The following C8orf34 variants were observed in gnomAD, a reference collection of about 807,000 sequenced individuals.
C8orf34 encodes the protein uncharacterized protein C8orf34.
Under a neutral mutation model 68.3 loss-of-function variants are expected in C8orf34, and 65 were observed. The ratio of observed to expected loss-of-function variants is 0.95; its 90% CI spans 0.78 to 1.17. C8orf34 has a LOEUF of 1.17. Among genes scored for constraint, C8orf34 ranks in the 50% most tolerant of loss-of-function variants. C8orf34 has a pLI of 0.00. For synonymous variants in C8orf34, 244 were observed against 241.2 expected, an observed-to-expected ratio of 1.01 and a Z score of -0.11; for missense variants, 664 against 655.4, an observed-to-expected ratio of 1.01 and a Z score of -0.14.
At chr8:68,775,682 TATA>T (rs1823495336) in intron 10 of C8orf34, among the ~76,000 whole-genome samples, 1 of 152,200 alleles carries the variant, frequency 6.6e-6, no homozygotes, top group Non-Finnish European at 1.5e-5. Context: ...ATTTATAGAA[TATA>T]GAATTTGCGA....
intron 10 of C8orf34, among the ~76,000 whole-genome samples, chr8:68,749,242 T>C (rs1235633039): frequency 6.1e-5 from 8 of 130,502 alleles, no homozygotes; most frequent in Non-Finnish European, 1.3e-4. Context: ...TGTTGTGGGG[T>C]GGGGGGAGCG....
In C8orf34 at chr8:68,600,114, T is replaced by C. The variant is rs528666167; in HGVS notation, c.1106-40262T>C. Among the ~76,000 whole-genome samples the C allele has an allele frequency of 9.2e-5, 14 of 152,212 alleles. 1 individual carries two copies. The highest frequency in any genetic ancestry group is 3.3e-4 in the Admixed American group (5 of 15,282). On this transcript the variant is annotated intron_variant, in intron 7 of 13. Coordinates refer to ENST00000518698, the MANE Select transcript of C8orf34 (RefSeq NM_052958.4). ...GGAGTAACTAGAACTCCCATCGTTA[T>C]TGGTTTTTAGCATATCTGTTTTTGT...
At chr8:68,759,379 T>C (rs1235543869) in intron 10 of C8orf34, among the ~76,000 whole-genome samples, 2 of 152,244 alleles carry the variant, frequency 1.3e-5, no homozygotes, top group African/African-American at 4.8e-5. Flanking sequence ...TCTTTCTTTA[T>C]GCTGAAGGAT....
chr8:68,383,634 T>A (rs140089233), intron 1 of C8orf34, among the ~76,000 whole-genome samples: 173 of 152,308 alleles, frequency 1.1e-3, no homozygotes, highest in African/African-American at 3.9e-3. Context: ...CACATCCTAA[T>A]TTGTGCTTCG....
chr8:68,623,538 T>A (rs773231584), intron 7 of C8orf34, among the ~76,000 whole-genome samples: 1 of 152,032 alleles, frequency 6.6e-6, no homozygotes, highest in African/African-American at 2.4e-5. Context: ...TGGGAGAAAA[T>A]AAGGTGTAAC....
chr8:68,773,680 C>G (rs948906672), intron 10 of C8orf34, among the ~76,000 whole-genome samples: 1 of 152,130 alleles, frequency 6.6e-6, no homozygotes, highest in Non-Finnish European at 1.5e-5. Context: ...GCCGCCACAC[C>G]GGCCCCTCCG....
chr8:68,416,582 A>C (rs1252089154), intron 1 of C8orf34, among the ~76,000 whole-genome samples: 1 of 151,732 alleles, frequency 6.6e-6, no homozygotes, highest in African/African-American at 2.4e-5. Flanking sequence ...CCCAGGCTGG[A>C]GTGCAGTGGC....
In C8orf34 at chr8:68,776,529, A is replaced by T; in HGVS notation, c.1455+80A>T. The T allele has an allele frequency of 3.5e-6, 4 of 1,139,352 alleles. No individual in the cohort carries two copies. In the South Asian group the frequency reaches 5.2e-5, roughly 15 times the overall value. 70.6% of individuals were successfully genotyped at this position (1,139,352 alleles called of 1,614,324 possible). A position where few individuals can be genotyped will look rare whatever the true frequency, so the allele number is the denominator to read the frequency against. ...TGAAGCACTCACTTAGGCTTTCTCC[A>T]TCTACTTGTAGGGTTTCTAGTCTGT... On this transcript the variant is annotated intron_variant, in intron 11 of 13. Transcript: ENST00000518698.
intron 7 of C8orf34, among the ~76,000 whole-genome samples, chr8:68,562,763 C>T (rs1290577796): frequency 2.6e-5 from 4 of 152,216 alleles, no homozygotes; most frequent in African/African-American, 2.4e-5. Context: ...GTACAGGCAC[C>T]TGTCTCTCAT....
At chr8:68,391,040 G>A (rs770020492) in intron 1 of C8orf34, among the ~76,000 whole-genome samples, 2 of 152,122 alleles carry the variant, frequency 1.3e-5, no homozygotes, top group Non-Finnish European at 2.9e-5. Context: ...GCTACAAAAT[G>A]TCTTTAGCAA....
chr8:68,470,601 C>T (rs781344569), intron 4 of C8orf34, among the ~76,000 whole-genome samples: 8 of 152,058 alleles, frequency 5.3e-5, no homozygotes, highest in Non-Finnish European at 7.4e-5. Flanking sequence ...TAGCAAAATA[C>T]TGTAGCCTGA....
intron 7 of C8orf34, among the ~76,000 whole-genome samples, chr8:68,617,239 C>T (rs1818249668): frequency 6.6e-6 from 1 of 151,982 alleles, no homozygotes; most frequent in African/African-American, 2.4e-5. Context: ...TGACTCTATC[C>T]AATTTGCCAG....
At chr8:68,656,430 A>G (rs1819513333) in intron 8 of C8orf34, among the ~76,000 whole-genome samples, 2 of 152,236 alleles carry the variant, frequency 1.3e-5, no homozygotes, top group Non-Finnish European at 2.9e-5. Flanking sequence ...ATGTCTACAT[A>G]CAGGTAATAA....
At chr8:68,552,222 A>C (rs1816097187) in intron 7 of C8orf34, among the ~76,000 whole-genome samples, 1 of 152,184 alleles carries the variant, frequency 6.6e-6, no homozygotes, top group Non-Finnish European at 1.5e-5. Flanking sequence ...TTTTAGAGTC[A>C]ACTTAACTTC....
At position 68,425,945 on chromosome 8, in the gene C8orf34, A is replaced by T. The variant is rs138793732; in HGVS notation, c.328-13554A>T. ...GAAAGGATACTCTTCTGCATAAATG[A>T]TACTGGATAAAGAGCATTTGTAGGG... is the stretch of plus-strand genomic sequence containing the variant. On this transcript the variant is annotated intron_variant, in intron 1 of 13. Coordinates refer to ENST00000518698, the MANE Select transcript of C8orf34 (RefSeq NM_052958.4). Among the ~76,000 whole-genome samples, 1,005 of 152,308 alleles carry T rather than the reference A, an allele frequency of 6.6e-3. 10 individuals carry two copies. Among genetic ancestry groups the T allele is most frequent in the Non-Finnish European group, 0.01 (714 of 68,020 alleles).
At position 68,776,585 on chromosome 8, in the gene C8orf34, G is replaced by A. The variant is rs1015630529; in HGVS notation, c.1455+136G>A. The A allele has an allele frequency of 1.3e-5, 8 of 621,944 alleles. No individual in the cohort carries two copies. In the African/African-American group the frequency reaches 1.3e-4, roughly 10 times the overall value. 38.5% of individuals were successfully genotyped at this position (621,944 alleles called of 1,614,324 possible). On this transcript the variant is annotated intron_variant, in intron 11 of 13. Coordinates refer to ENST00000518698, the MANE Select transcript of C8orf34 (RefSeq NM_052958.4). Reference sequence around the variant, plus strand: ...TTCAATGGTCATGTCCACAAAAACAGGATAATAAATAATAGGTTAGCAAGA... The same window carrying A: ...TTCAATGGTCATGTCCACAAAAACAAGATAATAAATAATAGGTTAGCAAGA...
In C8orf34 at chr8:68,343,834, C is replaced by T. The variant is rs190916309; in HGVS notation, c.327+12495C>T. Reference sequence around the variant, plus strand: ...GTCTCGAACTCCTGACCTCATGATCCGCCTGCCTTGGCCTCCCAAAGTGCT... The same window carrying T: ...GTCTCGAACTCCTGACCTCATGATCTGCCTGCCTTGGCCTCCCAAAGTGCT... On this transcript the variant is annotated intron_variant, in intron 1 of 13. Coordinates refer to ENST00000518698, the MANE Select transcript of C8orf34 (RefSeq NM_052958.4). Among the ~76,000 whole-genome samples, 161 of 152,084 alleles carry T rather than the reference C, an allele frequency of 1.1e-3. 3 individuals carry two copies. The East Asian group carries it at 0.014, about 13-fold the overall frequency.
chr8:68,730,855 G>T (rs1821959411), intron 10 of C8orf34, among the ~76,000 whole-genome samples: 1 of 152,050 alleles, frequency 6.6e-6, no homozygotes, highest in African/African-American at 2.4e-5. Context: ...ATGACAGCAT[G>T]AGATCCCAGT....
intron 8 of C8orf34, among the ~76,000 whole-genome samples, chr8:68,691,539 T>C (rs1820685007): frequency 6.6e-6 from 1 of 152,124 alleles, no homozygotes; most frequent in African/African-American, 2.4e-5. Context: ...TATTTAAATA[T>C]CTTTTTTCTA....
Sources: gnomAD v4.1 joint callset for allele counts (sites outside exome capture counted in the v4.1 genomes callset) on GRCh38, gnomAD v4.1.1 for gene constraint, MANE v1.5 for transcripts, NCBI Gene and HGNC (gene_info 2026-07-23, HGNC 2026-07-21) for gene names.